Variants in PLEKHS1 observed in about 807,000 individuals in gnomAD.
The protein encoded by PLEKHS1 is pleckstrin homology domain-containing family S member 1.
A neutral mutation model predicts 51.0 loss-of-function variants in PLEKHS1; 55 were observed. The ratio of observed to expected loss-of-function variants is 1.08; its 90% CI spans 0.87 to 1.35. The LOEUF (loss-of-function observed/expected upper bound fraction) is 1.35. Ranked by LOEUF, PLEKHS1 falls within the 40% of genes most tolerant of loss-of-function variation. PLEKHS1 has a pLI of 0.00. For missense variants in PLEKHS1, 398 were observed against 423.0 expected (o/e 0.94, Z 0.52); for synonymous variants, 153 against 144.8 (o/e 1.06, Z -0.41).
chr10:113,765,224 C>G, intron 2 of PLEKHS1: 2 of 497,496 alleles, frequency 4.0e-6, no homozygotes. Flanking sequence ...TTTTTGGGAA[C>G]AACTTTCTTC....
rs114071804 is a variant in PLEKHS1 at position 113,775,403 on chromosome 10, G to T, written c.990-362G>T. ...TGAGACTTAGTTATAGACCAGGAGGGGGTTATTTAGGCTTTAAGTGATACC... is the reference window on the plus strand; with the variant it reads ...TGAGACTTAGTTATAGACCAGGAGGTGGTTATTTAGGCTTTAAGTGATACC... On this transcript the variant is annotated intron_variant, in intron 10 of 11. Coordinates refer to ENST00000361048, the Ensembl canonical transcript of PLEKHS1. Among the ~76,000 whole-genome samples the T allele has an allele frequency of 6.4e-3, 975 of 152,230 alleles. 10 individuals carry two copies. Among genetic ancestry groups the T allele is most frequent in the African/African-American group, 0.022 (924 of 41,518 alleles).
chr10:113,760,836 T>C (rs375912002), intron 2 of PLEKHS1, among the ~76,000 whole-genome samples: 16 of 152,226 alleles, frequency 1.1e-4, no homozygotes, highest in East Asian at 1.9e-4. Context: ...TTTATCTTTT[T>C]TGTTTGTTGC....
At chr10:113,773,576 T>G (rs1482066419) in intron 8 of PLEKHS1, among the ~76,000 whole-genome samples, 1 of 152,108 alleles carries the variant, frequency 6.6e-6, no homozygotes, top group Non-Finnish European at 1.5e-5. Flanking sequence ...AAGATGGCAC[T>G]CGAGGTGAAG....
chr10:113,762,733 C>T (rs997649785), intron 2 of PLEKHS1, among the ~76,000 whole-genome samples: 1 of 151,910 alleles, frequency 6.6e-6, no homozygotes, highest in Non-Finnish European at 1.5e-5. Flanking sequence ...GCCCAGAATA[C>T]ATCTATATTA....
At chr10:113,773,595 A>G (rs73361851) in intron 8 of PLEKHS1, among the ~76,000 whole-genome samples, 3,073 of 152,286 alleles carry the variant, frequency 0.02, 101 homozygotes, top group African/African-American at 0.07. Flanking sequence ...AGAAGAGAGC[A>G]CGAACATGGC....
chr10:113,755,281 G>A (rs1354599427), exon 2 of PLEKHS1: 1 of 1,607,982 alleles, frequency 6.2e-7, no homozygotes, highest in Admixed American at 1.7e-5. Flanking sequence ...AGCCATCATG[G>A]AACCCAAACC....
chr10:113,779,430 C>T (rs1203599516), intron 11 of PLEKHS1, among the ~76,000 whole-genome samples: 1 of 152,038 alleles, frequency 6.6e-6, no homozygotes, highest in Non-Finnish European at 1.5e-5. Context: ...ATTAGCTGGG[C>T]ATGGTGGCGG....
At chr10:113,761,996 C>T (rs1413931641) in intron 2 of PLEKHS1, among the ~76,000 whole-genome samples, 8 of 152,044 alleles carry the variant, frequency 5.3e-5, no homozygotes, top group Admixed American at 1.3e-4. Flanking sequence ...TCTTTAATAA[C>T]TATAGGAGGC....
chr10:113,770,668 C>T (rs1224693162), intron 7 of PLEKHS1, among the ~76,000 whole-genome samples: 1 of 152,156 alleles, frequency 6.6e-6, no homozygotes, highest in African/African-American at 2.4e-5. Flanking sequence ...ATCAAATTCA[C>T]CATGCCAAAC....
intron 2 of PLEKHS1, among the ~76,000 whole-genome samples, chr10:113,762,028 C>T (rs184285541): frequency 6.6e-6 from 1 of 152,026 alleles, no homozygotes; most frequent in Non-Finnish European, 1.5e-5. Context: ...TCTATTTCTT[C>T]TTCAGTGACC....
chr10:113,777,069 C>G lies in PLEKHS1; in HGVS notation c.1091+1203C>G, dbSNP rs948782806. On this transcript the variant is annotated intron_variant, in intron 11 of 11. Transcript: ENST00000361048. Reference sequence around the variant, plus strand: ...GAATCAGGAGACCCTGCGTGCCCTGCCCTCCTGGCCAGCTGAGCCTCACAC... The same window carrying G: ...GAATCAGGAGACCCTGCGTGCCCTGGCCTCCTGGCCAGCTGAGCCTCACAC... 1.9e-5 allele frequency: 30 copies of G among 1,597,338 alleles called. No homozygotes were observed. The Admixed American group carries it at 3.6e-4, about 19-fold the overall frequency.
chr10:113,758,816 T>C (rs1843790142), intron 2 of PLEKHS1, among the ~76,000 whole-genome samples: 1 of 152,124 alleles, frequency 6.6e-6, no homozygotes. Context: ...GCACCATTCA[T>C]ACTGTCCCAA....
rs576016754 is a variant in PLEKHS1 at position 113,777,887 on chromosome 10, G to A, written c.1091+2021G>A. 109 of 818,118 alleles carry A rather than the reference G, an allele frequency of 1.3e-4. No homozygotes were observed. In the African/African-American group the frequency reaches 1.7e-3, roughly 13 times the overall value. The allele number at this position is 818,118 out of a possible 1,614,324, so 50.7% of individuals were successfully genotyped here. The stretch of plus-strand genomic sequence containing the variant: ...CACCTGTAATCCCAGCACTTCGGAA[G>A]GCCAAGGCAGGAGAATCAATTGAGC... On this transcript the variant is annotated intron_variant, in intron 11 of 11. Coordinates refer to ENST00000361048, the Ensembl canonical transcript of PLEKHS1.
intron 2 of PLEKHS1, among the ~76,000 whole-genome samples, chr10:113,757,138 C>A (rs774700074): frequency 6.6e-6 from 1 of 152,250 alleles, no homozygotes; most frequent in South Asian, 2.1e-4. Context: ...TGGTCTTGAA[C>A]GCCTGACCTC....
chr10:113,774,002 G>C (rs143797162), intron 8 of PLEKHS1, among the ~76,000 whole-genome samples: 23 of 152,312 alleles, frequency 1.5e-4, no homozygotes, highest in Non-Finnish European at 2.8e-4. Flanking sequence ...TGTATCCGGA[G>C]CATGAGGGAT....
chr10:113,762,364 C>CTTTTTTTTTT (rs1564818413), intron 2 of PLEKHS1, among the ~76,000 whole-genome samples: 1 of 75,746 alleles, frequency 1.3e-5, no homozygotes, highest in African/African-American at 3.9e-5. Context: ...TAGATTTGTT[C>CTTTTTTTTTT]CTTTTTTTTT....
chr10:113,768,871 C>A, exon 6 of PLEKHS1: 2 of 1,613,442 alleles, frequency 1.2e-6, no homozygotes, highest in Non-Finnish European at 1.7e-6. Context: ...GATATAAAAG[C>A]AACACAGCAG....
intron 1 of PLEKHS1, among the ~76,000 whole-genome samples, chr10:113,752,538 A>C (rs1853892895): frequency 6.6e-6 from 1 of 152,190 alleles, no homozygotes; most frequent in South Asian, 2.1e-4. Context: ...GGGTATCTCA[A>C]GTGATACTCC....
intron 9 of PLEKHS1, 48 bp downstream of exon 9, chr10:113,774,381 T>C: frequency 9.3e-7 from 1 of 1,075,504 alleles, no homozygotes; most frequent in Non-Finnish European, 1.4e-6. Context: ...CATCTGCTGT[T>C]AAGGAACAAT....
Sources: gnomAD v4.1 joint callset for allele counts (sites outside exome capture counted in the v4.1 genomes callset) on GRCh38, gnomAD v4.1.1 for gene constraint, MANE v1.5 for transcripts, NCBI Gene and HGNC (gene_info 2026-07-23, HGNC 2026-07-21) for gene names.